Variants in RSU1 observed in about 807,000 individuals in gnomAD.
RSU1 encodes Ras suppressor protein 1.
Under a neutral mutation model 31.1 loss-of-function variants are expected in RSU1, and 26 were observed. The observed-to-expected ratio is 0.84, with a 90% CI of 0.61 to 1.16. The LOEUF is 1.16. Among genes scored for constraint, RSU1 ranks in the 50% most tolerant of loss-of-function variants. The pLI, the probability that RSU1 is intolerant of heterozygous loss-of-function variation, is 0.00. For synonymous variants in RSU1, 164 were observed against 136.3 expected (o/e 1.20, Z -1.41); for missense variants, 320 against 339.1 (o/e 0.94, Z 0.44).
At chr10:16,769,820 T>G (rs1355811295) in intron 3 of RSU1, among the ~76,000 whole-genome samples, 2 of 152,338 alleles carry the variant, frequency 1.3e-5, no homozygotes, top group South Asian at 4.1e-4. Flanking sequence ...GGGGAACTGA[T>G]GACACGTGAA....
intron 8 of RSU1, among the ~76,000 whole-genome samples, chr10:16,597,866 C>T (rs942305190): frequency 6.6e-6 from 1 of 152,230 alleles, no homozygotes; most frequent in Non-Finnish European, 1.5e-5. Flanking sequence ...GATGACGCTG[C>T]TGTCCGCCGC....
chr10:16,755,961 A>C (rs1328404287), intron 4 of RSU1, among the ~76,000 whole-genome samples: 1 of 152,216 alleles, frequency 6.6e-6, no homozygotes, highest in African/African-American at 2.4e-5. Flanking sequence ...GCTTTACACA[A>C]AAACTCAAAC....
intron 8 of RSU1, among the ~76,000 whole-genome samples, chr10:16,631,328 G>T (rs921262919): frequency 1.6e-4 from 24 of 152,300 alleles, no homozygotes; most frequent in Non-Finnish European, 2.5e-4. Flanking sequence ...ATAAGCCCAG[G>T]GCGCACTGGC....
At chr10:16,785,427 CATAT>C (rs371719149) in intron 2 of RSU1, among the ~76,000 whole-genome samples, 1 of 90,516 alleles carries the variant, frequency 1.1e-5, no homozygotes, top group Non-Finnish European at 2.0e-5. Flanking sequence ...TACATATATA[CATAT>C]ATATATATAC....
At chr10:16,783,891 T>C (rs971854995) in intron 2 of RSU1, among the ~76,000 whole-genome samples, 5 of 152,136 alleles carry the variant, frequency 3.3e-5, no homozygotes, top group African/African-American at 4.8e-5. Context: ...CTAGCCCCCA[T>C]TCAAGTTTCT....
At chr10:16,658,679 G>A (rs976631669) in intron 8 of RSU1, among the ~76,000 whole-genome samples, 2 of 152,154 alleles carry the variant, frequency 1.3e-5, no homozygotes, top group Non-Finnish European at 2.9e-5. Flanking sequence ...AGCTGAGATC[G>A]CGCCACTGAC....
At chr10:16,684,818 C>T (rs1188770565) in intron 8 of RSU1, among the ~76,000 whole-genome samples, 1 of 152,170 alleles carries the variant, frequency 6.6e-6, no homozygotes, top group Admixed American at 6.5e-5. Flanking sequence ...CCAAAAGCCA[C>T]TGTACTTATT....
intron 8 of RSU1, among the ~76,000 whole-genome samples, chr10:16,647,841 G>A (rs948684626): frequency 2.6e-5 from 4 of 152,088 alleles, no homozygotes; most frequent in Non-Finnish European, 5.9e-5. Flanking sequence ...TCTCAATAAA[G>A]CTATTTAAAA....
At chr10:16,797,813 C>A (rs184775519) in intron 2 of RSU1, among the ~76,000 whole-genome samples, 1 of 148,708 alleles carries the variant, frequency 6.7e-6, no homozygotes, top group African/African-American at 2.5e-5. Context: ...AAACACAATA[C>A]GTAATACTTT....
At chr10:16,703,644 A>C (rs948466023) in intron 7 of RSU1, among the ~76,000 whole-genome samples, 1 of 152,202 alleles carries the variant, frequency 6.6e-6, no homozygotes, top group Non-Finnish European at 1.5e-5. Context: ...ATTTAATGAC[A>C]TGGGGCAATG....
chr10:16,632,227 C>T (rs1274596691), intron 8 of RSU1, among the ~76,000 whole-genome samples: 2 of 152,110 alleles, frequency 1.3e-5, no homozygotes, highest in Non-Finnish European at 2.9e-5. Flanking sequence ...TGAGATCAAC[C>T]AAAGCAAACC....
chr10:16,643,733 A>C (rs12266402), intron 8 of RSU1, among the ~76,000 whole-genome samples: 1 of 152,154 alleles, frequency 6.6e-6, no homozygotes, highest in Non-Finnish European at 1.5e-5. Flanking sequence ...CCAAATGCGC[A>C]TACTAAGAGC....
chr10:16,593,648 G>A (rs1309001989), intron 8 of RSU1, 152 bp from the exon 9 acceptor site: 13 of 640,466 alleles, frequency 2.0e-5, no homozygotes, highest in Non-Finnish European at 3.0e-5. Context: ...TGGGTGCTAC[G>A]CTGTGTTGAA....
intron 2 of RSU1, among the ~76,000 whole-genome samples, chr10:16,816,071 C>T (rs1242528494): frequency 2.6e-5 from 4 of 152,188 alleles, no homozygotes; most frequent in African/African-American, 9.7e-5. Context: ...AGGGTTTAAA[C>T]CAAAGCCACG....
chr10:16,774,551 C>CA (rs1837489724), intron 3 of RSU1, among the ~76,000 whole-genome samples: 1 of 151,986 alleles, frequency 6.6e-6, no homozygotes, highest in Non-Finnish European at 1.5e-5. Flanking sequence ...ACCTGGGTGA[C>CA]AGAGTGAGAT....
chr10:16,754,329 A>C (rs946012231), intron 5 of RSU1, among the ~76,000 whole-genome samples: 1 of 152,202 alleles, frequency 6.6e-6, no homozygotes, highest in African/African-American at 2.4e-5. Context: ...ATATGAAAGA[A>C]TAAAGTGTGT....
intron 7 of RSU1, among the ~76,000 whole-genome samples, chr10:16,700,805 T>C (rs919517533): frequency 6.6e-6 from 1 of 152,208 alleles, no homozygotes; most frequent in South Asian, 2.1e-4. Flanking sequence ...AGCAGAATAA[T>C]GTGCTATAGC....
intron 8 of RSU1, among the ~76,000 whole-genome samples, chr10:16,597,451 CT>C (rs1416829745): frequency 1.3e-5 from 2 of 152,146 alleles, no homozygotes; most frequent in Non-Finnish European, 2.9e-5. Context: ...TCAAATCCTG[CT>C]TTTGACGTTT....
intron 7 of RSU1, among the ~76,000 whole-genome samples, chr10:16,739,357 A>G (rs957972976): frequency 1.3e-5 from 2 of 151,534 alleles, no homozygotes; most frequent in Middle Eastern, 6.9e-3. Context: ...ATTTCTCTAC[A>G]TCCTCTCCAG....
Sources: gnomAD v4.1 joint callset for allele counts (sites outside exome capture counted in the v4.1 genomes callset) on GRCh38, gnomAD v4.1.1 for gene constraint, MANE v1.5 for transcripts, NCBI Gene and HGNC (gene_info 2026-07-23, HGNC 2026-07-21) for gene names.